The following MED23 variants were observed in gnomAD, a reference collection of about 807,000 sequenced individuals.
MED23 encodes the protein mediator of RNA polymerase II transcription subunit 23.
In MED23, 105 loss-of-function variants were observed where a neutral mutation model predicts 163.9. The observed-to-expected ratio is 0.64, with a 90% CI of 0.55 to 0.75. The LOEUF (loss-of-function observed/expected upper bound fraction) is 0.75, where lower values mean the gene tolerates loss of function less well. Ranked by LOEUF, MED23 falls within the 30% of genes least tolerant of loss-of-function variation. The probability of loss-of-function intolerance (pLI) is 0.00; values close to 1 mark genes in which losing one functional copy is unlikely to be tolerated. For synonymous variants in MED23, 561 were observed against 565.6 expected (o/e 0.99, Z 0.12); for missense variants, 1,054 against 1,649.0 (o/e 0.64, Z 6.25).
rs546724312 is a variant in MED23, at chr6:131,587,100, T to C, written c.*579A>G. On this transcript the variant is annotated 3_prime_UTR_variant, in exon 29 of 29. Coordinates refer to ENST00000368068, the MANE Select transcript of MED23 (RefSeq NM_004830.4). ...ATAGCAAAGGTAATAAAACTGCCAGTTGACCTTGATAGAAACTATGGAAAT... is the reference window on the plus strand; with the variant it reads ...ATAGCAAAGGTAATAAAACTGCCAGCTGACCTTGATAGAAACTATGGAAAT... The C allele has an allele frequency of 7.8e-6, 10 of 1,279,798 alleles. No individual in the cohort carries two copies. In the South Asian group the frequency reaches 2.5e-4, roughly 31 times the overall value. 79.3% of individuals were successfully genotyped at this position (1,279,798 alleles called of 1,614,324 possible). A position where few individuals can be genotyped will look rare whatever the true frequency, so the allele number is the denominator to read the frequency against.
intron 4 of MED23, 33 bp from the exon 5 acceptor site, chr6:131,623,495 A>AG: frequency 6.3e-7 from 1 of 1,584,212 alleles, no homozygotes; most frequent in Non-Finnish European, 8.7e-7. Context: ...TCCAGTTACA[A>AG]GACAGAATTT....
At chr6:131,593,237 G>C (rs941627791) in intron 23 of MED23, 66 bp from the exon 24 acceptor site, 1 of 1,590,192 alleles carries the variant, frequency 6.3e-7, no homozygotes, top group African/African-American at 1.3e-5. Flanking sequence ...CTGATTATGA[G>C]CTGCCAAGAA....
At chr6:131,574,844 T>TA (rs907595179) in intron 30 of MED23, among the ~76,000 whole-genome samples, 16 of 151,892 alleles carry the variant, frequency 1.1e-4, no homozygotes, top group East Asian at 3.9e-4. Flanking sequence ...ACAGTTGGGT[T>TA]AAAAAAAAGC....
chr6:131,611,372 C>T (rs951822424), intron 10 of MED23, among the ~76,000 whole-genome samples: 1 of 152,158 alleles, frequency 6.6e-6, no homozygotes, highest in Non-Finnish European at 1.5e-5. Context: ...AAACAAACAT[C>T]TATCCAAATG....
At chr6:131,590,292 A>G in intron 27 of MED23, 30 bp downstream of exon 27, 2 of 1,595,532 alleles carry the variant, frequency 1.3e-6, no homozygotes, top group Non-Finnish European at 1.7e-6. Context: ...GAATTTAATC[A>G]TGTCACAGGA....
chr6:131,594,026 AAAG>A (rs1384483330), intron 23 of MED23, 70 bp downstream of exon 23: 1 of 1,299,410 alleles, frequency 7.7e-7, no homozygotes, highest in African/African-American at 1.5e-5. Context: ...AATTACTTTA[AAAG>A]AAAAAATATA....
intron 11 of MED23, 75 bp from the exon 12 acceptor site, chr6:131,608,146 T>C: frequency 3.3e-6 from 5 of 1,533,048 alleles, no homozygotes; most frequent in Non-Finnish European, 4.4e-6. Flanking sequence ...TTGTTGTTTT[T>C]TTGTTTTTGT....
Position 131,606,500 on chromosome 6 carries a change from T to C in MED23, c.1346A>G (p.His449Arg), listed in dbSNP as rs1279974185. Residue 449 changes from histidine to arginine, a missense_variant, in exon 13 of 29, where the codon CAT becomes CGT. His to Arg is a conservative substitution (Grantham distance 29). This residue lies in a region of MED23 where 39 missense variants were observed against 50.5 expected (regional missense o/e 0.77). Coordinates refer to ENST00000368068, the MANE Select transcript of MED23 (RefSeq NM_004830.4). ...TTACTCATGGTGAAGTCTTAGGGAA[T>C]GAGGTATTGGAATCTGTAGCTTGGA... is the stretch of plus-strand genomic sequence containing the variant. ...DNSKLQIPIP[H>R]SLRLHHEFLQ... 3 of 1,612,792 alleles carry C rather than the reference T, an allele frequency of 1.9e-6. No homozygotes were observed. The highest frequency in any genetic ancestry group is 2.5e-6 in the Non-Finnish European group (3 of 1,179,140).
downstream of MED23, chr6:131,583,757 T>G (rs1288396873): frequency 6.2e-7 from 1 of 1,614,010 alleles, no homozygotes; most frequent in Non-Finnish European, 8.5e-7. Context: ...CTCTCAGGAT[T>G]AGATATAATG....
downstream of MED23, chr6:131,583,226 A>T: frequency 6.3e-7 from 1 of 1,597,218 alleles, no homozygotes; most frequent in East Asian, 2.2e-5. Flanking sequence ...ACTGACAACC[A>T]AAGTTATTAA....
chr6:131,605,427 G>A lies in MED23; in HGVS notation c.1426C>T (p.Leu476=). 6.2e-7 allele frequency: 1 copy of A among 1,611,468 alleles called. No homozygotes were observed. Among genetic ancestry groups the A allele is most frequent in the Non-Finnish European group, 8.5e-7 (1 of 1,178,130 alleles). The change falls in exon 14 of 29, where the codon CTA becomes TTA. Residue 476 remains leucine, a synonymous_variant. Transcript: ENST00000368068. ...TTTGTAGAGTATGCATTACACAATA[G>A]AGCAATCTTATAGTCATTCATCTGT... ...SLQMNDYKIA[L]LCNAYSTNSE...
At chr6:131,576,674 G>T (rs1400630976) in intron 30 of MED23, 1 of 1,613,814 alleles carries the variant, frequency 6.2e-7, no homozygotes, top group African/African-American at 1.3e-5. Flanking sequence ...CACGAGGAGG[G>T]GTGGAAGAAG....
In MED23 at chr6:131,603,222, T is replaced by C. The variant is rs1337543082; in HGVS notation, c.1757-18A>G. The C allele has an allele frequency of 6.2e-7, 1 of 1,612,418 alleles. No individual in the cohort carries two copies. The highest frequency in any genetic ancestry group is 8.5e-7 in the Non-Finnish European group (1 of 1,178,528). ...AAGCTGACCTGGAGGAAAAAGACAA[T>C]TTAAGGTACCAATTATTAAAGGCTA... On this transcript the variant is annotated intron_variant, in intron 15 of 28. Transcript: ENST00000368068.
chr6:131,605,486 C>T lies in MED23; in HGVS notation c.1368-1G>A. Reference sequence around the variant, plus strand: ...ATTTCTTAGACTCTGCTGCAGGAACCTAAATATTCACGTTCCATTAAAAAG... The same window carrying T: ...ATTTCTTAGACTCTGCTGCAGGAACTTAAATATTCACGTTCCATTAAAAAG... On this transcript the variant is annotated splice_acceptor_variant, in intron 13 of 28. Transcript: ENST00000368068. LOFTEE classifies it high-confidence loss of function. 1 of 1,569,494 alleles carries T rather than the reference C, an allele frequency of 6.4e-7. No homozygotes were observed. The highest frequency in any genetic ancestry group is 1.2e-5 in the South Asian group (1 of 82,296).
Position 131,596,522 on chromosome 6 carries a change from T to C in MED23, c.2774A>G (p.His925Arg). ...AATACCAATTAGGACTAGTACCTTG[T>C]GATAATTCATGTGCTTGGTGTGCCA... ...NDWHTKHMNY[H>R]KKYPEKLYFE... Residue 925 changes from histidine (H) to arginine (R), a missense_variant, in exon 21 of 29, where the codon CAC (histidine) becomes CGC (arginine). Physicochemically the swap from His to Arg is conservative, Grantham distance 29 (BLOSUM62 0). This residue lies in a region of MED23 where 228 missense variants were observed against 461.3 expected (regional missense o/e 0.49). Coordinates refer to ENST00000368068, the MANE Select transcript of MED23 (RefSeq NM_004830.4). 6.2e-7 allele frequency: 1 copy of C among 1,614,186 alleles called. No individual in the cohort carries two copies. The highest frequency in any genetic ancestry group is 1.1e-5 in the South Asian group (1 of 91,090).
In MED23 at chr6:131,587,165, G is replaced by A; in HGVS notation, c.*514C>T. 1 of 1,179,604 alleles carries A rather than the reference G, an allele frequency of 8.5e-7. No individual in the cohort carries two copies. Among genetic ancestry groups the A allele is most frequent in the Non-Finnish European group, 1.1e-6 (1 of 941,338 alleles). The allele number at this position is 1,179,604 out of a possible 1,614,324, so 73.1% of individuals were successfully genotyped here. On this transcript the variant is annotated 3_prime_UTR_variant, in exon 29 of 29. Coordinates refer to ENST00000368068, the MANE Select transcript of MED23 (RefSeq NM_004830.4). ...CAAGTCATTTTAAAAAGAATATGAA[G>A]CCTTGTTTGCTCCTACAATGCAACA...
At position 131,587,847 on chromosome 6, in the gene MED23, C is replaced by T; in HGVS notation, c.3940-1G>A. On this transcript the variant is annotated splice_acceptor_variant, in intron 28 of 28. Transcript: ENST00000368068. LOFTEE classifies it high-confidence loss of function. ...TTAAGTTACAGATAATCTTCTCTACCTAAGAAATAAAAACACATTAAAACG... is the reference window on the plus strand; with the variant it reads ...TTAAGTTACAGATAATCTTCTCTACTTAAGAAATAAAAACACATTAAAACG... 2 of 1,610,394 alleles carry T rather than the reference C, an allele frequency of 1.2e-6. No individual in the cohort carries two copies. Among genetic ancestry groups the T allele is most frequent in the South Asian group, 1.1e-5 (1 of 90,600 alleles).
chr6:131,613,823 T>A lies in MED23; in HGVS notation c.876+2084A>T, dbSNP rs544505025. Among the ~76,000 whole-genome samples the A allele has an allele frequency of 4.0e-5, 6 of 150,184 alleles. No homozygotes were observed. In the Admixed American group the frequency reaches 4.1e-4, roughly 10 times the overall value. On this transcript the variant is annotated intron_variant, in intron 10 of 28. Coordinates refer to ENST00000368068, the MANE Select transcript of MED23 (RefSeq NM_004830.4). ...AGGTTGAAACTTGTTACCGAAATGA[T>A]CAGATCAGAAATACTCTCAATTGTT...
intron 14 of MED23, among the ~76,000 whole-genome samples, chr6:131,604,871 C>G (rs1021604058): frequency 3.3e-5 from 5 of 152,090 alleles, no homozygotes; most frequent in African/African-American, 1.2e-4. Context: ...CAAATTTGAG[C>G]CAATACTTAA....
Sources: allele counts gnomAD v4.1 joint callset (sites outside exome capture counted in the v4.1 genomes callset), GRCh38; gene constraint gnomAD v4.1.1; regional missense constraint gnomAD v4.1.1; transcripts MANE v1.5; gene names NCBI Gene and HGNC (gene_info 2026-07-23, HGNC 2026-07-21).